SERPINB7: variants seen among roughly 807,000 people sequenced by gnomAD.
SERPINB7 encodes the protein serpin B7.
In SERPINB7, 31 loss-of-function variants were observed where a neutral mutation model predicts 37.4. That is an observed-to-expected ratio of 0.83 (90% CI 0.62 to 1.12). The LOEUF (loss-of-function observed/expected upper bound fraction) is 1.12. SERPINB7 is among the 50% of genes most tolerant of loss of function. The probability of loss-of-function intolerance (pLI) is 0.00; values close to 1 mark genes in which losing one functional copy is unlikely to be tolerated. For missense variants in SERPINB7, 521 were observed against 455.3 expected, an observed-to-expected ratio of 1.14 and a Z score of -1.31; for synonymous variants, 163 against 166.1, an observed-to-expected ratio of 0.98 and a Z score of 0.14.
At chr18:63,802,596 T>C (rs1720868) in intron 7 of SERPINB7, among the ~76,000 whole-genome samples, 19,821 of 152,172 alleles carry the variant, frequency 0.13, 2,148 homozygotes, top group East Asian at 0.41. Flanking sequence ...TATTTGTGTG[T>C]ATGTATGTGC....
intron 2 of SERPINB7, among the ~76,000 whole-genome samples, chr18:63,783,200 GA>G (rs1599005058): frequency 1.4e-5 from 1 of 70,182 alleles, no homozygotes; most frequent in Admixed American, 1.3e-4. Context: ...GAGAGAGAGA[GA>G]GAGAGAGAGA....
At chr18:63,766,016 A>G (rs8091682) in intron 1 of SERPINB7, among the ~76,000 whole-genome samples, 4,745 of 152,194 alleles carry the variant, frequency 0.031, 120 homozygotes, top group African/African-American at 0.066. Flanking sequence ...TCTGTCCCCA[A>G]TCACAAGGAT....
chr18:63,803,565 T>C (rs1460564196), intron 7 of SERPINB7, among the ~76,000 whole-genome samples: 1 of 152,202 alleles, frequency 6.6e-6, no homozygotes, highest in East Asian at 1.9e-4. Context: ...AGCGATGCTG[T>C]TGGAGAGAGA....
upstream of SERPINB7, among the ~76,000 whole-genome samples, chr18:63,770,990 G>A (rs2049207868): frequency 6.8e-6 from 1 of 147,234 alleles, no homozygotes; most frequent in Admixed American, 6.8e-5. Flanking sequence ...TGTTGCCAGA[G>A]TGGAAGAAAA....
chr18:63,769,498 C>G (rs943808604), intron 1 of SERPINB7, among the ~76,000 whole-genome samples: 4 of 152,028 alleles, frequency 2.6e-5, no homozygotes, highest in Non-Finnish European at 5.9e-5. Context: ...TGAATTGAGA[C>G]TTTCCTGGTT....
rs370292468 is a variant in SERPINB7, at chr18:63,804,660, C to G, written c.*25C>G. 3 of 1,561,882 alleles carry G rather than the reference C, an allele frequency of 1.9e-6. No individual in the cohort carries two copies. Among genetic ancestry groups the G allele is most frequent in the Admixed American group, 3.8e-5 (2 of 53,196 alleles). ...AAAATCCAATTGGTTTCTGTTATAG[C>G]AGTCCCCACAACATCAAAGAACCAC... is the stretch of plus-strand genomic sequence containing the variant. On this transcript the variant is annotated 3_prime_UTR_variant, in exon 8 of 8. Transcript: ENST00000398019.
intron 5 of SERPINB7, among the ~76,000 whole-genome samples, chr18:63,797,166 A>G (rs1389047636): frequency 6.6e-6 from 1 of 152,150 alleles, no homozygotes; most frequent in Non-Finnish European, 1.5e-5. Context: ...TTGTTTCATT[A>G]CCTAAGGGTT....
intron 1 of SERPINB7, among the ~76,000 whole-genome samples, chr18:63,765,292 C>A (rs961938514): frequency 6.6e-6 from 1 of 151,994 alleles, no homozygotes; most frequent in African/African-American, 2.4e-5. Flanking sequence ...TTATAAAATC[C>A]GTCAGTGTAG....
chr18:63,780,168 A>T (rs2049288211), intron 1 of SERPINB7, among the ~76,000 whole-genome samples: 1 of 152,188 alleles, frequency 6.6e-6, no homozygotes, highest in African/African-American at 2.4e-5. Context: ...TTTTGAAGTT[A>T]CTTTCCCAAG....
At chr18:63,798,841 G>T (rs1362733521) in intron 6 of SERPINB7, 95 bp downstream of exon 6, 27 of 1,283,946 alleles carry the variant, frequency 2.1e-5, no homozygotes, top group African/African-American at 7.7e-5. Context: ...TAGGTTCACC[G>T]TTTTAAACCC....
At chr18:63,793,634 C>T (rs1397405608) in intron 4 of SERPINB7, among the ~76,000 whole-genome samples, 2 of 151,994 alleles carry the variant, frequency 1.3e-5, no homozygotes, top group East Asian at 1.9e-4. Flanking sequence ...CTTCCTGAGT[C>T]GCTGTGACCA....
chr18:63,785,739 G>A (rs75805633), intron 2 of SERPINB7, among the ~76,000 whole-genome samples: 2 of 151,028 alleles, frequency 1.3e-5, no homozygotes, highest in African/African-American at 2.4e-5. Context: ...TGTTTTTTTT[G>A]TGTGTGTTTT....
rs17782413 is a variant in SERPINB7 at position 63,804,289 on chromosome 18, G to A, written c.797G>A (p.Arg266Gln). Reference sequence around the variant, plus strand: ...CTAATGGAATGGACCAATCCAAGGCGAATGACCTCTAAGTATGTTGAGGTA... The same window carrying A: ...CTAATGGAATGGACCAATCCAAGGCAAATGACCTCTAAGTATGTTGAGGTA... ...QNLMEWTNPR[R>Q]MTSKYVEVFF... is the part of the protein sequence containing the mutation. The change falls in exon 8 of 8, where the codon CGA (arginine) becomes CAA (glutamine). Residue 266 changes from arginine to glutamine, a missense_variant. By Grantham distance (43) the Arg-to-Gln change is conservative. Transcript: ENST00000398019. The A allele has an allele frequency of 0.22, 350,397 of 1,604,732 alleles. 39,522 individuals carry two copies. The highest frequency in any genetic ancestry group is 0.25 in the Middle Eastern group (1,467 of 5,984).
intron 1 of SERPINB7, among the ~76,000 whole-genome samples, chr18:63,770,143 T>C (rs939404706): frequency 6.6e-6 from 1 of 150,484 alleles, no homozygotes; most frequent in Non-Finnish European, 1.5e-5. Flanking sequence ...ATAGAGGGTG[T>C]TGCTTCTCTT....
intron 1 of SERPINB7, among the ~76,000 whole-genome samples, chr18:63,761,203 G>T (rs192142625): frequency 6.6e-6 from 1 of 152,206 alleles, no homozygotes; most frequent in South Asian, 2.1e-4. Flanking sequence ...GTGAGACCTG[G>T]AGGCAAAGGA....
chr18:63,801,914 TG>T (rs1219629107), intron 7 of SERPINB7, among the ~76,000 whole-genome samples: 2 of 152,214 alleles, frequency 1.3e-5, no homozygotes, highest in Admixed American at 6.5e-5. Context: ...CTCTACATCG[TG>T]GCGGAATTCA....
At chr18:63,755,125 C>A (rs985793801) in intron 1 of SERPINB7, among the ~76,000 whole-genome samples, 31 of 151,684 alleles carry the variant, frequency 2.0e-4, no homozygotes, top group Admixed American at 3.9e-4. Flanking sequence ...AGGATGGTCT[C>A]GATCTCCTGA....
chr18:63,770,959 A>T (rs979986289), upstream of SERPINB7, among the ~76,000 whole-genome samples: 3 of 148,612 alleles, frequency 2.0e-5, no homozygotes, highest in African/African-American at 7.4e-5. Context: ...CGTTGGAACA[A>T]AGGGGGCTGA....
At chr18:63,793,450 T>C (rs573246009) in intron 4 of SERPINB7, among the ~76,000 whole-genome samples, 173 bp downstream of exon 4, 1 of 152,216 alleles carries the variant, frequency 6.6e-6, no homozygotes, top group Non-Finnish European at 1.5e-5. Context: ...TTCAACTTTT[T>C]ACCCAATTAA....
Sources: allele counts gnomAD v4.1 joint callset (sites outside exome capture counted in the v4.1 genomes callset), GRCh38; gene constraint gnomAD v4.1.1; transcripts MANE v1.5; gene names NCBI Gene and HGNC (gene_info 2026-07-23, HGNC 2026-07-21).